The following SCAPER variants were observed in gnomAD, a reference collection of about 807,000 sequenced individuals.
SCAPER encodes S-phase cyclin A associated protein in the ER.
Under a neutral mutation model 182.2 loss-of-function variants are expected in SCAPER, and 98 were observed. That is an observed-to-expected ratio of 0.54 (90% confidence interval 0.46 to 0.64). SCAPER has a LOEUF of 0.64. Among genes scored for constraint, SCAPER ranks in the 30% least tolerant of loss-of-function variants. SCAPER has a pLI of 0.00. For synonymous variants in SCAPER, 605 were observed against 564.6 expected (o/e 1.07, Z -1.01); for missense variants, 1,432 against 1,690.0 (o/e 0.85, Z 2.68).
At chr15:76,421,873 T>C (rs1281334413) in intron 26 of SCAPER, among the ~76,000 whole-genome samples, 25 of 152,226 alleles carry the variant, frequency 1.6e-4, no homozygotes, top group Non-Finnish European at 2.9e-4. Flanking sequence ...ATTTATTAAA[T>C]AGGGAATCCT....
chr15:76,629,397 G>C (rs1200564505), intron 21 of SCAPER, among the ~76,000 whole-genome samples: 1 of 152,220 alleles, frequency 6.6e-6, no homozygotes, highest in Non-Finnish European at 1.5e-5. Context: ...CTGTGGGTTT[G>C]TCATAAATGG....
chr15:76,493,681 A>G (rs543018726), intron 24 of SCAPER, among the ~76,000 whole-genome samples: 4 of 152,356 alleles, frequency 2.6e-5, no homozygotes, highest in African/African-American at 9.6e-5. Flanking sequence ...GTTCTTAAGT[A>G]AGATCTGGTT....
intron 8 of SCAPER, among the ~76,000 whole-genome samples, chr15:76,790,406 C>T (rs1375748913): frequency 3.3e-5 from 5 of 152,052 alleles, no homozygotes; most frequent in Admixed American, 6.5e-5. Context: ...AGAAGTAACA[C>T]GTGAAGCCAT....
At chr15:76,559,312 T>C (rs1269721967) in intron 23 of SCAPER, among the ~76,000 whole-genome samples, 1 of 151,622 alleles carries the variant, frequency 6.6e-6, no homozygotes, top group Non-Finnish European at 1.5e-5. Context: ...TGCCTTGGCT[T>C]CCCAAAGTGC....
chr15:76,774,796 T>C, intron 9 of SCAPER, 59 bp downstream of exon 9: 1 of 1,493,258 alleles, frequency 6.7e-7, no homozygotes, highest in African/African-American at 1.4e-5. Context: ...GACATTCCAG[T>C]ACACATGTAC....
chr15:76,659,431 T>G (rs1905694), intron 21 of SCAPER, among the ~76,000 whole-genome samples: 4 of 152,060 alleles, frequency 2.6e-5, no homozygotes, highest in Non-Finnish European at 1.5e-5. Flanking sequence ...CACTATGCAC[T>G]GCTAACTTTT....
At chr15:76,839,554 G>A (rs1007407751) in intron 5 of SCAPER, among the ~76,000 whole-genome samples, 1 of 152,152 alleles carries the variant, frequency 6.6e-6, no homozygotes, top group Non-Finnish European at 1.5e-5. Context: ...GAGAAGAGTA[G>A]AATATAAAAA....
chr15:76,509,058 T>TAAAC (rs1196794393), intron 23 of SCAPER, among the ~76,000 whole-genome samples: 3 of 152,036 alleles, frequency 2.0e-5, no homozygotes, highest in Non-Finnish European at 4.4e-5. Flanking sequence ...GATGGGGATG[T>TAAAC]AAACATACAC....
intron 22 of SCAPER, among the ~76,000 whole-genome samples, chr15:76,611,920 A>G (rs1270978848): frequency 6.6e-6 from 1 of 152,130 alleles, no homozygotes; most frequent in East Asian, 1.9e-4. Flanking sequence ...CTCTCAATAA[A>G]CTAGGTATTG....
In SCAPER at chr15:76,499,921, G is replaced by T. The variant is rs1488709823; in HGVS notation, c.2954+4938C>A. Among the ~76,000 whole-genome samples the T allele has an allele frequency of 5.3e-5, 8 of 152,306 alleles. No individual in the cohort carries two copies. In the East Asian group the frequency reaches 1.5e-3, roughly 29 times the overall value. On this transcript the variant is annotated intron_variant, in intron 24 of 31. Coordinates refer to ENST00000563290, the MANE Select transcript of SCAPER (RefSeq NM_020843.4). Reference sequence around the variant, plus strand: ...GAAGCCAAAGTGACAAAGACTTAGGGATTTAAAGCTCAGTAATTAGGCAGT... The same window carrying T: ...GAAGCCAAAGTGACAAAGACTTAGGTATTTAAAGCTCAGTAATTAGGCAGT...
chr15:76,663,003 T>C (rs756993885), intron 21 of SCAPER, among the ~76,000 whole-genome samples: 18 of 152,076 alleles, frequency 1.2e-4, no homozygotes, highest in Non-Finnish European at 2.1e-4. Flanking sequence ...CAAAAGCTAT[T>C]ATAAAGAAAA....
Position 76,764,995 on chromosome 15 carries a change from T to C in SCAPER, c.1691A>G (p.Glu564Gly). The change falls in exon 14 of 32, where the codon GAG becomes GGG. Residue 564 changes from glutamate (E) to glycine (G), a missense_variant. By Grantham distance (98) the Glu-to-Gly change is moderately conservative. Coordinates refer to ENST00000563290, the MANE Select transcript of SCAPER (RefSeq NM_020843.4). ...CAATTTCTGAAGCTTCAATGTTTTC[T>C]CTTCGCGTAACTTTTCCCTTAGCTG... ...AQQLREKLRE[E>G]KTLKLQKLLE... 1 of 1,602,158 alleles carries C rather than the reference T, an allele frequency of 6.2e-7. No individual in the cohort carries two copies. The highest frequency in any genetic ancestry group is 8.5e-7 in the Non-Finnish European group (1 of 1,174,630).
At chr15:76,773,903 T>C (rs1184190339) in intron 9 of SCAPER, among the ~76,000 whole-genome samples, 1 of 151,924 alleles carries the variant, frequency 6.6e-6, no homozygotes, top group Non-Finnish European at 1.5e-5. Flanking sequence ...TCATTTTACA[T>C]AAAATTACAC....
chr15:76,737,325 T>C (rs922400877), intron 15 of SCAPER, among the ~76,000 whole-genome samples: 4 of 152,258 alleles, frequency 2.6e-5, no homozygotes, highest in African/African-American at 7.2e-5. Context: ...GCTCTCTCCA[T>C]CAGGGCTCTT....
chr15:76,596,420 C>T lies in SCAPER; in HGVS notation c.2712-22136G>A, dbSNP rs1191305050. 3.4e-5 allele frequency among the ~76,000 whole-genome samples: 4 copies of T among 119,022 alleles called. 2 individuals carry two copies. Among genetic ancestry groups the T allele is most frequent in the Non-Finnish European group, 8.1e-5 (4 of 49,204 alleles). 78.1% of individuals were successfully genotyped at this position (119,022 alleles called of 152,430 possible). ...ACTGGTACCATTCCTTTTAAAACTA[C>T]TTCAAACAATAGAAAAAGACGGACT... On this transcript the variant is annotated intron_variant, in intron 22 of 31. Coordinates refer to ENST00000563290, the MANE Select transcript of SCAPER (RefSeq NM_020843.4).
intron 26 of SCAPER, among the ~76,000 whole-genome samples, chr15:76,411,783 G>A (rs969771916): frequency 2.0e-5 from 3 of 152,062 alleles, no homozygotes; most frequent in African/African-American, 7.2e-5. Flanking sequence ...CCAACATCTG[G>A]TATCATCAAT....
chr15:76,350,028 A>T (rs2040430114), intron 31 of SCAPER: 1 of 152,236 alleles, frequency 6.6e-6, no homozygotes, highest in Admixed American at 6.5e-5. Context: ...TTTTCTAAGC[A>T]TTTTAATTTA....
At chr15:76,630,790 T>C (rs933574741) in intron 21 of SCAPER, among the ~76,000 whole-genome samples, 5 of 152,224 alleles carry the variant, frequency 3.3e-5, no homozygotes, top group African/African-American at 1.2e-4. Context: ...GGGTAGAGAA[T>C]TCTGTGGATA....
At position 76,404,550 on chromosome 15, in the gene SCAPER, A is replaced by C. The variant is rs1308642451; in HGVS notation, c.3441T>G (p.Cys1147Trp). The change falls in exon 27 of 32, where the codon TGT becomes TGG. Residue 1147 changes from cysteine to tryptophan, a missense_variant. This residue lies in a region of SCAPER where 718 missense variants were observed against 799.7 expected (regional missense o/e 0.90). Transcript: ENST00000563290. ...TTCCAGTGACAGCAAAGCACAGTGT[A>C]CACATTGCATGTAAGAGTCCTGCGG... ...QHAAGLLHAM[C>W]TLCFAVTGRS... The C allele has an allele frequency of 4.3e-6, 7 of 1,613,200 alleles. No homozygotes were observed.
Sources: gnomAD v4.1 joint callset for allele counts (sites outside exome capture counted in the v4.1 genomes callset) on GRCh38, gnomAD v4.1.1 for gene constraint, gnomAD v4.1.1 regional missense constraint, MANE v1.5 for transcripts, NCBI Gene and HGNC (gene_info 2026-07-23, HGNC 2026-07-21) for gene names.